The following WDFY4 variants were observed in gnomAD, a reference collection of about 807,000 sequenced individuals.
WDFY4 encodes the protein WD repeat- and FYVE domain-containing protein 4.
In WDFY4, 169 loss-of-function variants were observed where a neutral mutation model predicts 351.9. That is an observed-to-expected ratio of 0.48 (90% CI 0.42 to 0.55). WDFY4 has a LOEUF of 0.55. WDFY4 is among the 20% of genes least tolerant of loss of function. WDFY4 has a pLI of 0.00. For synonymous variants in WDFY4, 1,622 were observed against 1,574.6 expected (o/e 1.03, Z -0.71); for missense variants, 3,803 against 3,935.6 (o/e 0.97, Z 0.90).
At chr10:48,699,950 G>A (rs187527043) in intron 1 of WDFY4, among the ~76,000 whole-genome samples, 160 of 152,298 alleles carry the variant, frequency 1.1e-3, no homozygotes, top group African/African-American at 3.7e-3. Context: ...CTCTTCAGAG[G>A]TATAAATTCC....
chr10:48,792,865 G>C (rs1417604066), intron 23 of WDFY4, among the ~76,000 whole-genome samples: 2 of 152,180 alleles, frequency 1.3e-5, no homozygotes, highest in Non-Finnish European at 2.9e-5. Context: ...TCATTGCCTA[G>C]TCCTGGGGAT....
In WDFY4 at chr10:48,730,059, T is replaced by C. The variant is rs185937462; in HGVS notation, c.1129+470T>C. Among the ~76,000 whole-genome samples, 694 of 152,356 alleles carry C rather than the reference T, an allele frequency of 4.6e-3. 5 individuals carry two copies. The highest frequency in any genetic ancestry group is 0.016 in the African/African-American group (674 of 41,584). On this transcript the variant is annotated intron_variant, in intron 8 of 61. Transcript: ENST00000325239. Reference sequence around the variant, plus strand: ...AAATTCCTCTGTAGAGACTGTCACATGTCCTTGAACCCTAGTCTGCTGGAG... The same window carrying C: ...AAATTCCTCTGTAGAGACTGTCACACGTCCTTGAACCCTAGTCTGCTGGAG...
intron 47 of WDFY4, chr10:48,909,954 G>C: frequency 2.3e-6 from 1 of 434,450 alleles, no homozygotes; most frequent in South Asian, 3.8e-5. Context: ...TAAATATTTA[G>C]TTGTCTATAA....
intron 2 of WDFY4, among the ~76,000 whole-genome samples, chr10:48,714,189 G>A (rs1210694919): frequency 6.6e-6 from 1 of 152,266 alleles, no homozygotes; most frequent in African/African-American, 2.4e-5. Context: ...GCAGTCTGCT[G>A]TAGGTCTGCA....
At chr10:48,811,832 G>A in intron 30 of WDFY4, 124 bp downstream of exon 30, 2 of 1,012,672 alleles carry the variant, frequency 2.0e-6, no homozygotes, top group Non-Finnish European at 2.9e-6. Context: ...TGGGGTGCTG[G>A]CCCACTTCCC....
In WDFY4 at chr10:48,947,039, C is replaced by A. The variant is rs529027475; in HGVS notation, c.7977+70C>A. The stretch of plus-strand genomic sequence containing the variant: ...ACACACATACGCCTGTATCACAAGA[C>A]TAAGACCTGTGCTTGAACAAAGACA... On this transcript the variant is annotated intron_variant, in intron 51 of 61. Coordinates refer to ENST00000325239, the MANE Select transcript of WDFY4 (RefSeq NM_001394531.1). The A allele has an allele frequency of 1.8e-4, 233 of 1,263,960 alleles. No homozygotes were observed. The African/African-American group carries it at 3.0e-3, about 16-fold the overall frequency. The allele number at this position is 1,263,960 out of a possible 1,614,324, so 78.3% of individuals were successfully genotyped here.
chr10:48,971,489 CTG>C (rs1842335099), intron 57 of WDFY4, among the ~76,000 whole-genome samples: 1 of 149,558 alleles, frequency 6.7e-6, no homozygotes, highest in South Asian at 2.1e-4. Flanking sequence ...GAGCGAGACT[CTG>C]TCTCAAAAAA....
At position 48,897,532 on chromosome 10, in the gene WDFY4, C is replaced by T. The variant is rs369953176; in HGVS notation, c.7395C>T (p.Tyr2465=). ...TDHYSCQCHS[Y]ADMRELRQAR... is the part of the protein sequence containing the mutation. ...ATTACTCGTGCCAGTGCCACAGCTACGCTGACATGCGGGAGCTACGGCAGG... is the reference window on the plus strand; with the variant it reads ...ATTACTCGTGCCAGTGCCACAGCTATGCTGACATGCGGGAGCTACGGCAGG... Residue 2465 remains tyrosine (Y), a synonymous_variant, in exon 45 of 62, where the codon TAC becomes TAT. Transcript: ENST00000325239. The T allele has an allele frequency of 2.2e-5, 34 of 1,550,742 alleles. No homozygotes were observed. In the African/African-American group the frequency reaches 2.6e-4, roughly 12 times the overall value.
chr10:48,726,148 C>T (rs1335016885), intron 6 of WDFY4, 78 bp downstream of exon 6: 29 of 1,438,862 alleles, frequency 2.0e-5, no homozygotes, highest in Non-Finnish European at 2.7e-5. Flanking sequence ...GCTGAGGGCC[C>T]ACTTTCTACA....
intron 2 of WDFY4, among the ~76,000 whole-genome samples, chr10:48,716,068 C>T (rs1357301097): frequency 6.6e-6 from 1 of 152,102 alleles, no homozygotes; most frequent in Non-Finnish European, 1.5e-5. Flanking sequence ...TTATTCCCAT[C>T]TTCGGGAAAT....
At chr10:48,796,143 C>T (rs1291125524) in intron 23 of WDFY4, among the ~76,000 whole-genome samples, 155 bp from the exon 24 acceptor site, 2 of 152,088 alleles carry the variant, frequency 1.3e-5, no homozygotes, top group Non-Finnish European at 2.9e-5. Context: ...AAAGTGGCCA[C>T]AGAAGTTGAT....
In WDFY4 at chr10:48,913,521, C is replaced by T. The variant is rs532434669; in HGVS notation, c.7586+11658C>T. 8.4e-5 allele frequency: 136 copies of T among 1,613,862 alleles called. No individual in the cohort carries two copies. The highest frequency in any genetic ancestry group is 4.9e-4 in the Middle Eastern group (3 of 6,062). ...GTTGTCCCGGGCGTTTTGGCATTTT[C>T]TCAGGCAAGCCGCACACAGATCCTT... is the stretch of plus-strand genomic sequence containing the variant. On this transcript the variant is annotated intron_variant, in intron 47 of 61. Transcript: ENST00000325239.
chr10:48,965,786 T>TATAGATTATATCTGTATCAGTTAGAC (rs1259152416), intron 54 of WDFY4, among the ~76,000 whole-genome samples: 2 of 152,354 alleles, frequency 1.3e-5, no homozygotes, highest in East Asian at 3.9e-4. Context: ...ATCAGTTAGA[T>TATAGATTATATCTGTATCAGTTAGAC]ATAGATTATA....
intron 12 of WDFY4, among the ~76,000 whole-genome samples, chr10:48,754,526 C>CT (rs2065275225): frequency 6.6e-6 from 1 of 151,390 alleles, no homozygotes; most frequent in Admixed American, 6.6e-5. Context: ...TTTCTTGGCT[C>CT]TTTTTTTCTC....
rs181193546 is a variant in WDFY4, at chr10:48,863,640, G to T, written c.6664-3625G>T. On this transcript the variant is annotated intron_variant, in intron 39 of 61. Transcript: ENST00000325239. ...TAATTTATAATTTTTTTTTCATTCTGTGGGTCTTTTTTTACTTTCTAATAG... is the reference window on the plus strand; with the variant it reads ...TAATTTATAATTTTTTTTTCATTCTTTGGGTCTTTTTTTACTTTCTAATAG... Among the ~76,000 whole-genome samples the T allele has an allele frequency of 7.6e-4, 115 of 151,452 alleles. 1 individual carries two copies. Among genetic ancestry groups the T allele is most frequent in the African/African-American group, 2.6e-3 (109 of 41,320 alleles).
intron 47 of WDFY4, among the ~76,000 whole-genome samples, chr10:48,929,472 T>G (rs1489180387): frequency 6.6e-6 from 1 of 151,974 alleles, no homozygotes; most frequent in East Asian, 1.9e-4. Context: ...GGGAGGAAGT[T>G]GATTGGGTGG....
chr10:48,947,535 T>A (rs1841110496), intron 51 of WDFY4, among the ~76,000 whole-genome samples: 1 of 152,190 alleles, frequency 6.6e-6, no homozygotes, highest in Non-Finnish European at 1.5e-5. Flanking sequence ...TATAAATTAT[T>A]GGTTGTTTAT....
chr10:48,932,289 C>G (rs945728056), intron 47 of WDFY4, among the ~76,000 whole-genome samples: 3 of 152,184 alleles, frequency 2.0e-5, no homozygotes, highest in African/African-American at 7.2e-5. Context: ...CTCCCTCAAA[C>G]CAGCTGCTCT....
intron 49 of WDFY4, among the ~76,000 whole-genome samples, chr10:48,944,939 C>T (rs942591760): frequency 4.6e-5 from 7 of 151,694 alleles, no homozygotes; most frequent in Non-Finnish European, 8.8e-5. Context: ...TGTGGGTCTC[C>T]GTGTGTCCCC....
Sources: gnomAD v4.1 joint callset for allele counts (sites outside exome capture counted in the v4.1 genomes callset) on GRCh38, gnomAD v4.1.1 for gene constraint, MANE v1.5 for transcripts, NCBI Gene and HGNC (gene_info 2026-07-23, HGNC 2026-07-21) for gene names.